KCNJ1: variants seen among roughly 807,000 people sequenced by gnomAD.
KCNJ1 encodes the protein ATP-sensitive inward rectifier potassium channel 1.
In KCNJ1, 24 loss-of-function variants were observed where a neutral mutation model predicts 21.9. The observed-to-expected ratio is 1.10, with a 90% confidence interval of 0.79 to 1.54. The LOEUF is 1.54. KCNJ1 is among the 40% of genes most tolerant of loss of function. KCNJ1 has a pLI of 0.00. For missense variants in KCNJ1, 457 were observed against 455.4 expected (o/e 1.00, Z -0.03); for synonymous variants, 152 against 160.9 (o/e 0.94, Z 0.42).
At chr11:128,842,451 T>A (rs1404246033) in intron 2 of KCNJ1, 1 of 1,613,594 alleles carries the variant, frequency 6.2e-7, no homozygotes, top group African/African-American at 1.3e-5. Flanking sequence ...TGCTGGTTGT[T>A]GGTCTTTCTA....
intron 1 of KCNJ1, among the ~76,000 whole-genome samples, chr11:128,852,806 G>A (rs760772330): frequency 2.6e-4 from 39 of 152,336 alleles, no homozygotes; most frequent in Middle Eastern, 3.4e-3. Flanking sequence ...ACCAATCCTC[G>A]TGTCTGCCTC....
rs764656544 is a variant in KCNJ1 at position 128,839,915 on chromosome 11, G to A, written c.329C>T (p.Thr110Ile). ...TPCVENINGL[T>I]SAFLFSLETQ... ...CTCCAGAGAAAACAGAAAAGCTGAGGTCAAGCCATTAATATTCTCCACACA... is the reference window on the plus strand; with the variant it reads ...CTCCAGAGAAAACAGAAAAGCTGAGATCAAGCCATTAATATTCTCCACACA... Residue 110 changes from threonine (T) to isoleucine (I), a missense_variant, in exon 3 of 3, where the codon ACC becomes ATC. By Grantham distance (89) the Thr-to-Ile change is moderately conservative (BLOSUM62 -1). Transcript: ENST00000392666. 3 of 1,614,152 alleles carry A rather than the reference G, an allele frequency of 1.9e-6. No homozygotes were observed. The highest frequency in any genetic ancestry group is 2.2e-5 in the South Asian group (2 of 91,072).
rs143947526 is a variant in KCNJ1 at position 128,849,525 on chromosome 11, G to T, written c.-22+1196C>A. On this transcript the variant is annotated intron_variant, in intron 2 of 2. Coordinates refer to ENST00000392666, the MANE Select transcript of KCNJ1 (RefSeq NM_153766.3). ...TACAAGAGGAGGAAGGAGAGAGCTC[G>T]ATGGAGAGGGCAGCAGGTACCCTGG... Among the ~76,000 whole-genome samples, 399 of 152,306 alleles carry T rather than the reference G, an allele frequency of 2.6e-3. 1 individual carries two copies. The highest frequency in any genetic ancestry group is 9.0e-3 in the African/African-American group (373 of 41,568).
intron 1 of KCNJ1, among the ~76,000 whole-genome samples, chr11:128,865,040 C>A (rs943967222): frequency 7.9e-5 from 12 of 152,072 alleles, no homozygotes; most frequent in African/African-American, 2.9e-4. Context: ...CCTCCCCTGG[C>A]CACCCACCCT....
At chr11:128,847,456 T>C (rs1943400993) in intron 2 of KCNJ1, among the ~76,000 whole-genome samples, 1 of 152,248 alleles carries the variant, frequency 6.6e-6, no homozygotes, top group Admixed American at 6.5e-5. Flanking sequence ...TACATGCCTA[T>C]GTGCAATTGG....
At chr11:128,842,261 A>G (rs1185016034) in intron 2 of KCNJ1, 14 of 1,094,334 alleles carry the variant, frequency 1.3e-5, no homozygotes, top group Admixed American at 3.8e-5. Context: ...AGATTTCTGT[A>G]GAGTGAAGAA....
In KCNJ1 at chr11:128,838,546, TGTGCAGATTTAGCCTCTGTCTAAAC is replaced by T. The variant is rs1483508580; in HGVS notation, c.*554_*578del. On this transcript the variant is annotated 3_prime_UTR_variant, in exon 3 of 3. Transcript: ENST00000392666. ...CAGGAAGGTATCATCAAGATTCTAG[TGTGCAGATTTAGCCTCTGTCTAAAC>T]GTACCACATGAGAAGCTTAGAGCCT... is the stretch of plus-strand genomic sequence containing the variant. The T allele has an allele frequency of 6.5e-6, 1 of 154,652 alleles. No homozygotes were observed. The highest frequency in any genetic ancestry group is 6.4e-5 in the Admixed American group (1 of 15,600). The allele number at this position is 154,652 out of a possible 1,614,324, so 9.6% of individuals were successfully genotyped here.
chr11:128,866,494 T>C, intron 1 of KCNJ1: 1 of 915,552 alleles, frequency 1.1e-6, no homozygotes, highest in Non-Finnish European at 1.3e-6. Context: ...ATCTGTAAGA[T>C]ACAGATATTG....
chr11:128,861,697 G>A (rs1469236988), intron 1 of KCNJ1, among the ~76,000 whole-genome samples: 1 of 152,096 alleles, frequency 6.6e-6, no homozygotes, highest in East Asian at 1.9e-4. Flanking sequence ...CACCAGCCCC[G>A]TGCCCTGCCT....
intron 1 of KCNJ1, among the ~76,000 whole-genome samples, chr11:128,856,143 A>G (rs531456415): frequency 6.6e-6 from 1 of 152,312 alleles, no homozygotes; most frequent in South Asian, 2.1e-4. Context: ...CTTTGTGTAC[A>G]TGAGGCCCAG....
In KCNJ1 at chr11:128,840,029, C is replaced by G. The variant is rs976545155; in HGVS notation, c.215G>C (p.Ser72Thr). Residue 72 changes from serine (S) to threonine (T), a missense_variant, in exon 3 of 3, where the codon AGT becomes ACT. Transcript: ENST00000392666. The stretch of plus-strand genomic sequence containing the variant: ...CCACAGGAGACCAAAGAAAAACCAA[C>G]TCCCCAAGAAGGCTGTGATGAAAAT... The part of the protein sequence containing the change: ...MTIFITAFLG[S>T]WFFFGLLWYA... 12 of 1,613,910 alleles carry G rather than the reference C, an allele frequency of 7.4e-6. No individual in the cohort carries two copies. Among genetic ancestry groups the G allele is most frequent in the African/African-American group, 4.0e-5 (3 of 74,888 alleles).
At position 128,849,719 on chromosome 11, in the gene KCNJ1, A is replaced by G. The variant is rs560594797; in HGVS notation, c.-22+1002T>C. On this transcript the variant is annotated intron_variant, in intron 2 of 2. Transcript: ENST00000392666. ...TGTCCAGCATCATACTTTTTTTTGGAAGCTTCTGTGGATTGTCCTGGCATA... is the reference window on the plus strand; with the variant it reads ...TGTCCAGCATCATACTTTTTTTTGGGAGCTTCTGTGGATTGTCCTGGCATA... 1.8e-4 allele frequency among the ~76,000 whole-genome samples: 27 copies of G among 152,180 alleles called. No homozygotes were observed. The South Asian group carries it at 5.6e-3, about 32-fold the overall frequency.
intron 1 of KCNJ1, among the ~76,000 whole-genome samples, chr11:128,860,397 G>A (rs2135959933): frequency 6.6e-6 from 1 of 152,320 alleles, no homozygotes; most frequent in Admixed American, 6.5e-5. Flanking sequence ...ATAAGTGCGT[G>A]ACACTGCACA....
In KCNJ1 at chr11:128,842,483, C is replaced by T. The variant is rs1591407360; in HGVS notation, c.-21-2219G>A. On this transcript the variant is annotated intron_variant, in intron 2 of 2. Transcript: ENST00000392666. ...TCTATGCAGACTGATTTCTTTTAGA[C>T]TCAGCCTAATTTATTGTAGGCGACA... 6.2e-6 allele frequency: 10 copies of T among 1,612,462 alleles called. No individual in the cohort carries two copies. In the East Asian group the frequency reaches 1.6e-4, roughly 25 times the overall value.
chr11:128,847,960 C>T (rs958183085), intron 2 of KCNJ1, among the ~76,000 whole-genome samples: 3 of 152,118 alleles, frequency 2.0e-5, no homozygotes, highest in African/African-American at 7.2e-5. Context: ...CCTCGACCTC[C>T]TGGGCTCAAG....
chr11:128,841,981 A>G (rs1045424919), intron 2 of KCNJ1, among the ~76,000 whole-genome samples: 3 of 152,314 alleles, frequency 2.0e-5, no homozygotes, highest in Middle Eastern at 3.4e-3. Flanking sequence ...CTTTCCTTGT[A>G]CACACATCCT....
At chr11:128,850,108 G>A (rs999766012) in intron 2 of KCNJ1, among the ~76,000 whole-genome samples, 2 of 152,044 alleles carry the variant, frequency 1.3e-5, no homozygotes, top group Admixed American at 6.5e-5. Context: ...GGAGCAGGTC[G>A]TTTAACCTCT....
chr11:128,855,000 A>T (rs886673410), intron 1 of KCNJ1, among the ~76,000 whole-genome samples: 2 of 152,166 alleles, frequency 1.3e-5, no homozygotes, highest in African/African-American at 4.8e-5. Flanking sequence ...GTCAGGCTTG[A>T]ATTCCAGCTC....
intron 1 of KCNJ1, among the ~76,000 whole-genome samples, chr11:128,859,266 T>G (rs975517668): frequency 5.3e-5 from 8 of 152,194 alleles, no homozygotes; most frequent in Admixed American, 1.3e-4. Context: ...GGAACGCAGC[T>G]CTTTTTGAGA....
Sources: gnomAD v4.1 joint callset for allele counts (sites outside exome capture counted in the v4.1 genomes callset) on GRCh38, gnomAD v4.1.1 for gene constraint, MANE v1.5 for transcripts, NCBI Gene and HGNC (gene_info 2026-07-23, HGNC 2026-07-21) for gene names.